Variants in KAZN observed in about 807,000 individuals in gnomAD.
KAZN encodes the protein kazrin.
Under a neutral mutation model 87.4 loss-of-function variants are expected in KAZN, and 40 were observed. That is an observed-to-expected ratio of 0.46 (90% CI 0.36 to 0.60). The LOEUF is 0.60. Among genes scored for constraint, KAZN ranks in the 20% least tolerant of loss-of-function variants. KAZN has a pLI of 0.00. For synonymous variants in KAZN, 466 were observed against 458.3 expected (o/e 1.02, Z -0.22); for missense variants, 898 against 1,073.9 (o/e 0.84, Z 2.29).
chr1:15,066,967 C>G lies in KAZN; in HGVS notation c.1222+1214C>G, dbSNP rs1298964950. The G allele has an allele frequency of 1.0e-6, 1 of 985,362 alleles. No individual in the cohort carries two copies. The highest frequency in any genetic ancestry group is 1.7e-5 in the African/African-American group (1 of 57,216). The allele number at this position is 985,362 out of a possible 1,614,324, so 61.0% of individuals were successfully genotyped here. On this transcript the variant is annotated intron_variant, in intron 8 of 14. Transcript: ENST00000376030. This position sits in a 1 kb window ranked among gnomAD's most constrained non-coding sequence, Gnocchi z 4.3. Reference sequence around the variant, plus strand: ...GAGCAGAGTGCTGACAGTCATGGTCCCCTTCTTTGGGTCTGTCTTTTGAGA... The same window carrying G: ...GAGCAGAGTGCTGACAGTCATGGTCGCCTTCTTTGGGTCTGTCTTTTGAGA...
intron 2 of KAZN, among the ~76,000 whole-genome samples, chr1:14,232,077 G>C (rs1205384598): frequency 6.6e-6 from 1 of 152,154 alleles, no homozygotes; most frequent in Non-Finnish European, 1.5e-5. Flanking sequence ...CTGCAAAGGG[G>C]CTGGGAAATG....
At chr1:13,947,583 C>T (rs1457414538) in intron 1 of KAZN, among the ~76,000 whole-genome samples, 1 of 152,172 alleles carries the variant, frequency 6.6e-6, no homozygotes, top group Non-Finnish European at 1.5e-5. Context: ...CTTGTCAGGG[C>T]ACTTGTGATT....
chr1:14,300,937 C>T (rs886873545), intron 2 of KAZN, among the ~76,000 whole-genome samples: 3 of 152,160 alleles, frequency 2.0e-5, no homozygotes, highest in African/African-American at 7.2e-5. Flanking sequence ...GTGTCCCCTG[C>T]TAGAGACCTA....
chr1:14,944,731 T>C (rs1002149890), intron 1 of KAZN, among the ~76,000 whole-genome samples: 4 of 152,222 alleles, frequency 2.6e-5, no homozygotes, highest in Non-Finnish European at 5.9e-5. Context: ...AAACCCACCA[T>C]TGTAATCTTC....
chr1:13,918,131 G>A (rs1016555772), intron 1 of KAZN, among the ~76,000 whole-genome samples: 1 of 152,228 alleles, frequency 6.6e-6, no homozygotes, highest in East Asian at 1.9e-4. Flanking sequence ...TGTACGCTCT[G>A]TAAGGCTATA....
At chr1:14,774,468 A>ACTT (rs1557476099) in intron 1 of KAZN, among the ~76,000 whole-genome samples, 2 of 131,286 alleles carry the variant, frequency 1.5e-5, no homozygotes. Context: ...TCTTGAACAG[A>ACTT]TTTTTTTTTT....
chr1:14,978,686 C>T (rs1005115925), intron 2 of KAZN, among the ~76,000 whole-genome samples: 5 of 152,112 alleles, frequency 3.3e-5, no homozygotes, highest in African/African-American at 1.2e-4. Context: ...ATCTCAGCCT[C>T]TGTGTGCTAT....
chr1:15,076,649 T>C (rs1639770917), intron 8 of KAZN, among the ~76,000 whole-genome samples: 1 of 152,216 alleles, frequency 6.6e-6, no homozygotes, highest in African/African-American at 2.4e-5. Flanking sequence ...CACAATTGAT[T>C]GGCTTTTCTG....
chr1:13,903,343 G>A (rs1018361589), intron 1 of KAZN, among the ~76,000 whole-genome samples: 1 of 152,192 alleles, frequency 6.6e-6, no homozygotes, highest in Non-Finnish European at 1.5e-5. Context: ...CAGACATGGA[G>A]TCTGGACTTT....
intron 1 of KAZN, among the ~76,000 whole-genome samples, chr1:14,728,136 A>C (rs1381727106): frequency 1.3e-5 from 2 of 151,600 alleles, no homozygotes; most frequent in African/African-American, 2.4e-5. Flanking sequence ...AAATACAAAA[A>C]TTAGCCGGGT....
At chr1:14,381,393 A>G (rs1039681315) in intron 2 of KAZN, among the ~76,000 whole-genome samples, 1 of 152,184 alleles carries the variant, frequency 6.6e-6, no homozygotes, top group Non-Finnish European at 1.5e-5. Context: ...TTGTAGGCCA[A>G]TATCACTGAT....
chr1:14,925,240 G>T (rs1659044295), intron 1 of KAZN, among the ~76,000 whole-genome samples: 1 of 152,086 alleles, frequency 6.6e-6, no homozygotes, highest in Non-Finnish European at 1.5e-5. Context: ...CCTTCCCCCT[G>T]CCCCTTCCCC....
At chr1:14,678,467 G>A (rs986369900) in intron 1 of KAZN, among the ~76,000 whole-genome samples, 1 of 152,172 alleles carries the variant, frequency 6.6e-6, no homozygotes. Context: ...GACTTGGACC[G>A]AGCCACTGCT....
At chr1:14,734,460 C>T (rs116714614) in intron 1 of KAZN, among the ~76,000 whole-genome samples, 4,517 of 152,090 alleles carry the variant, frequency 0.03, 209 homozygotes, top group African/African-American at 0.1. Flanking sequence ...TGCACCACCA[C>T]GCTCGACTAA....
intron 2 of KAZN, among the ~76,000 whole-genome samples, chr1:14,412,958 A>G (rs1288120286): frequency 6.7e-6 from 1 of 148,788 alleles, no homozygotes; most frequent in African/African-American, 2.4e-5. Context: ...ATACATAAAT[A>G]TATAAAATGT....
chr1:14,129,518 A>C (rs560109830), intron 1 of KAZN, among the ~76,000 whole-genome samples: 16 of 152,230 alleles, frequency 1.1e-4, no homozygotes, highest in African/African-American at 3.9e-4. Context: ...TTCCAGTGGG[A>C]GAATTGGCAA....
At chr1:14,900,463 G>A (rs1018773527) in intron 1 of KAZN, among the ~76,000 whole-genome samples, 61 of 152,048 alleles carry the variant, frequency 4.0e-4, no homozygotes, top group African/African-American at 1.4e-3. Flanking sequence ...CCTGTAAAGA[G>A]CTATGGTTGG....
intron 1 of KAZN, among the ~76,000 whole-genome samples, chr1:13,998,737 A>G (rs1639641399): frequency 6.6e-6 from 1 of 152,212 alleles, no homozygotes; most frequent in African/African-American, 2.4e-5. Context: ...GGAACCCAAA[A>G]AAGACTTAGG....
At chr1:14,492,150 G>A (rs1354004825) in intron 2 of KAZN, among the ~76,000 whole-genome samples, 1 of 152,140 alleles carries the variant, frequency 6.6e-6, no homozygotes, top group Non-Finnish European at 1.5e-5. Flanking sequence ...GACCAGCTGG[G>A]GAAACTGGCC....
Sources: allele counts gnomAD v4.1 joint callset (sites outside exome capture counted in the v4.1 genomes callset), GRCh38; gene constraint gnomAD v4.1.1; non-coding constraint Gnocchi (gnomAD v3.1); transcripts MANE v1.5; gene names NCBI Gene and HGNC (gene_info 2026-07-23, HGNC 2026-07-21).